The following TMEM26 variants were observed in gnomAD, a reference collection of about 807,000 sequenced individuals.
The protein encoded by TMEM26 is transmembrane protein 26.
Under a neutral mutation model 28.8 loss-of-function variants are expected in TMEM26, and 38 were observed. That is an observed-to-expected ratio of 1.32 (90% CI 1.02 to 1.73). The LOEUF (loss-of-function observed/expected upper bound fraction) is 1.73, where lower values mean the gene tolerates loss of function less well. TMEM26 is among the 40% of genes most tolerant of loss of function. The pLI, the probability that TMEM26 is intolerant of heterozygous loss-of-function variation, is 0.00. For missense variants in TMEM26, 518 were observed against 447.1 expected (o/e 1.16, Z -1.43); for synonymous variants, 227 against 182.9 (o/e 1.24, Z -1.95).
Position 61,452,969 on chromosome 10 carries a change from A to C in TMEM26, c.113T>G (p.Leu38Arg), listed in dbSNP as rs1159817193. The C allele has an allele frequency of 6.2e-7, 1 of 1,614,100 alleles. No individual in the cohort carries two copies. The highest frequency in any genetic ancestry group is 8.5e-7 in the Non-Finnish European group (1 of 1,180,026). The change falls in exon 1 of 6, where the codon CTG becomes CGG. Residue 38 changes from leucine (L) to arginine (R), a missense_variant. Transcript: ENST00000399298. ...GAGCAAGAGGTTGAGCAGCGCAAGC[A>C]GCCAGTACCGCGGCTCCTTCTTCAC... is the stretch of plus-strand genomic sequence containing the variant. ...TEVKKEPRYW[L>R]LALLNLLLFL...
At chr10:61,441,369 C>T (rs1589042337) in intron 1 of TMEM26, among the ~76,000 whole-genome samples, 1 of 152,116 alleles carries the variant, frequency 6.6e-6, no homozygotes, top group African/African-American at 2.4e-5. Context: ...ATGTTCTGCT[C>T]CTATGAAAAA....
At chr10:61,450,221 A>G (rs138773842) in intron 1 of TMEM26, among the ~76,000 whole-genome samples, 9 of 152,236 alleles carry the variant, frequency 5.9e-5, no homozygotes, top group African/African-American at 2.2e-4. Flanking sequence ...GCATATTAAT[A>G]TTTTTCTATA....
At chr10:61,410,824 T>C in intron 5 of TMEM26, 78 bp from the exon 6 acceptor site, 3 of 1,365,732 alleles carry the variant, frequency 2.2e-6, no homozygotes, top group South Asian at 1.3e-5. Flanking sequence ...GGACGAGTCA[T>C]TAACAATGGG....
At chr10:61,427,485 G>A (rs1284070813) in intron 4 of TMEM26, among the ~76,000 whole-genome samples, 2 of 151,964 alleles carry the variant, frequency 1.3e-5, no homozygotes, top group Non-Finnish European at 2.9e-5. Context: ...TCGTTCATTT[G>A]GGTTGTTTGT....
Position 61,410,236 on chromosome 10 carries a change from C to G in TMEM26, c.*86G>C, listed in dbSNP as rs558021039. 1 of 1,371,758 alleles carries G rather than the reference C, an allele frequency of 7.3e-7. No individual in the cohort carries two copies. Among genetic ancestry groups the G allele is most frequent in the Non-Finnish European group, 9.8e-7 (1 of 1,015,238 alleles). The allele number at this position is 1,371,758 out of a possible 1,614,324, so 85.0% of individuals were successfully genotyped here. On this transcript the variant is annotated 3_prime_UTR_variant, in exon 6 of 6. Transcript: ENST00000399298. ...TGTTGTTCTTTTGAAAATTATTATA[C>G]GCCAAGGTTGGAGGAGAAAAAGGAT...
intron 1 of TMEM26, among the ~76,000 whole-genome samples, chr10:61,439,096 A>G (rs1016758682): frequency 1.3e-5 from 2 of 152,210 alleles, no homozygotes; most frequent in African/African-American, 2.4e-5. Flanking sequence ...ATGGTTTTAC[A>G]GCAAATATCT....
At chr10:61,426,431 A>G (rs1244992460) in intron 4 of TMEM26, among the ~76,000 whole-genome samples, 1 of 152,138 alleles carries the variant, frequency 6.6e-6, no homozygotes, top group African/African-American at 2.4e-5. Context: ...AACTTCACAA[A>G]TCTGTTAAGA....
intron 2 of TMEM26, among the ~76,000 whole-genome samples, chr10:61,433,081 T>C (rs1029867088): frequency 1.3e-5 from 2 of 152,140 alleles, no homozygotes; most frequent in Non-Finnish European, 2.9e-5. Context: ...CCTTAATATG[T>C]TTTTGACATT....
rs879359971 is a variant in TMEM26, at chr10:61,441,091, T to C, written c.192-4843A>G. ...TTGTTGTATTTTATTGTGTTTTTTTTCCCAAATATTTTTGATCTGCAGTTG... is the reference window on the plus strand; with the variant it reads ...TTGTTGTATTTTATTGTGTTTTTTTCCCCAAATATTTTTGATCTGCAGTTG... On this transcript the variant is annotated intron_variant, in intron 1 of 5. Transcript: ENST00000399298. Among the ~76,000 whole-genome samples, 8 of 152,232 alleles carry C rather than the reference T, an allele frequency of 5.3e-5. No homozygotes were observed. The East Asian group carries it at 9.6e-4, about 18-fold the overall frequency.
chr10:61,410,310 G>T lies in TMEM26; in HGVS notation c.*12C>A. On this transcript the variant is annotated 3_prime_UTR_variant, in exon 6 of 6. Transcript: ENST00000399298. ...AGTCAGGTTCTAGCCGCAGACCACT[G>T]TCAATCAATAACTAAGGGGTGTGGT... is the stretch of plus-strand genomic sequence containing the variant. The T allele has an allele frequency of 6.3e-7, 1 of 1,597,196 alleles. No homozygotes were observed. The highest frequency in any genetic ancestry group is 1.7e-5 in the Admixed American group (1 of 58,940).
chr10:61,407,337 GA>G lies in TMEM26; in HGVS notation c.*2984del, dbSNP rs1839509241. The stretch of plus-strand genomic sequence containing the variant: ...ATATCTATATGGTTCTATAAGGTCT[GA>G]AGTGCTATTTGTTAGTGGAACTACA... On this transcript the variant is annotated 3_prime_UTR_variant, in exon 6 of 6. Coordinates refer to ENST00000399298, the MANE Select transcript of TMEM26 (RefSeq NM_178505.8). The G allele has an allele frequency of 2.6e-5, 4 of 152,140 alleles. No homozygotes were observed. Among genetic ancestry groups the G allele is most frequent in the Admixed American group, 2.6e-4 (4 of 15,254 alleles). 9.4% of individuals were successfully genotyped at this position (152,140 alleles called of 1,614,324 possible). A position where few individuals can be genotyped will look rare whatever the true frequency, so the allele number is the denominator to read the frequency against.
intron 2 of TMEM26, among the ~76,000 whole-genome samples, chr10:61,433,392 T>A (rs1839953932): frequency 6.6e-6 from 1 of 152,148 alleles, no homozygotes; most frequent in African/African-American, 2.4e-5. Flanking sequence ...TTCACATAGA[T>A]TATCTGGATA....
intron 1 of TMEM26, among the ~76,000 whole-genome samples, chr10:61,444,833 C>A (rs556816096): frequency 1.3e-5 from 2 of 152,016 alleles, no homozygotes; most frequent in South Asian, 2.1e-4. Flanking sequence ...GAAGAAGAAT[C>A]CTTCTCCAGA....
chr10:61,418,021 T>A (rs1839682342), intron 4 of TMEM26, among the ~76,000 whole-genome samples: 1 of 152,032 alleles, frequency 6.6e-6, no homozygotes, highest in Non-Finnish European at 1.5e-5. Flanking sequence ...ACAGTGGGAA[T>A]CTGAAGCATT....
chr10:61,439,115 T>G (rs1840052008), intron 1 of TMEM26, among the ~76,000 whole-genome samples: 1 of 152,168 alleles, frequency 6.6e-6, no homozygotes. Flanking sequence ...CTCCCAAAAT[T>G]ATGAAAGCTT....
intron 1 of TMEM26, among the ~76,000 whole-genome samples, chr10:61,445,471 A>G (rs552831619): frequency 6.6e-6 from 1 of 152,202 alleles, no homozygotes; most frequent in East Asian, 1.9e-4. Flanking sequence ...GTTGTACATT[A>G]TCTACCTCTT....
At chr10:61,446,558 C>T (rs1216639117) in intron 1 of TMEM26, among the ~76,000 whole-genome samples, 1 of 152,034 alleles carries the variant, frequency 6.6e-6, no homozygotes, top group Non-Finnish European at 1.5e-5. Flanking sequence ...CGATGGCTCA[C>T]GCCTGTAATC....
At position 61,410,743 on chromosome 10, in the gene TMEM26, TG is replaced by T; in HGVS notation, c.685del (p.Gln229ArgfsTer9). The T allele has an allele frequency of 6.2e-7, 1 of 1,613,524 alleles. No individual in the cohort carries two copies. The highest frequency in any genetic ancestry group is 1.7e-5 in the Admixed American group (1 of 59,990). On this transcript the variant is annotated frameshift_variant and splice_region_variant, in exon 6 of 6. Coordinates refer to ENST00000399298, the MANE Select transcript of TMEM26 (RefSeq NM_178505.8). LOFTEE classifies it low-confidence loss of function (END_TRUNC). ...MLQFPLDLAV[Q>X]NVVCPVSVTE... ...CACAGACACAGGGCACACAACGTTC[TG>T]TACTGAAAACACAAGACAGACTAGT...
intron 4 of TMEM26, among the ~76,000 whole-genome samples, chr10:61,419,148 C>T (rs188890010): frequency 2.4e-4 from 37 of 152,096 alleles, no homozygotes; most frequent in African/African-American, 7.7e-4. Context: ...AAAACAGATG[C>T]AACAAAATGA....
Sources: allele counts gnomAD v4.1 joint callset (sites outside exome capture counted in the v4.1 genomes callset), GRCh38; gene constraint gnomAD v4.1.1; transcripts MANE v1.5; gene names NCBI Gene and HGNC (gene_info 2026-07-23, HGNC 2026-07-21).